The following UGT1A9 variants were observed in gnomAD, a reference collection of about 807,000 sequenced individuals.
The protein encoded by UGT1A9 is UDP-glucuronosyltransferase 1A9.
Under a neutral mutation model 45.0 loss-of-function variants are expected in UGT1A9, and 35 were observed. The ratio of observed to expected loss-of-function variants is 0.78; its 90% CI spans 0.59 to 1.03. The LOEUF is 1.03. UGT1A9 is among the 50% of genes least tolerant of loss of function. The probability of loss-of-function intolerance (pLI) is 0.00; values close to 1 mark genes in which losing one functional copy is unlikely to be tolerated. For missense variants in UGT1A9, 687 were observed against 666.6 expected (o/e 1.03, Z -0.34); for synonymous variants, 278 against 250.6 (o/e 1.11, Z -1.03).
intron 1 of UGT1A9, among the ~76,000 whole-genome samples, chr2:233,698,018 A>G (rs576535829): frequency 6.6e-6 from 1 of 152,290 alleles, no homozygotes; most frequent in South Asian, 2.1e-4. Flanking sequence ...GCACATTGGT[A>G]CCAATTATCT....
At position 233,693,022 on chromosome 2, in the gene UGT1A9, C is replaced by T. The variant is rs773410698; in HGVS notation, c.855+20233C>T. 2.5e-5 allele frequency: 41 copies of T among 1,614,028 alleles called. No individual in the cohort carries two copies. In the Admixed American group the frequency reaches 3.8e-4, roughly 15 times the overall value. On this transcript the variant is annotated intron_variant, in intron 1 of 4. Transcript: ENST00000354728. ...TTTCCAGGATGGCCTGCCTCCTTCG[C>T]TCATTTCAGAGAATTTCTGCAGGGG... is the stretch of plus-strand genomic sequence containing the variant.
chr2:233,706,616 G>C (rs2075915881), intron 1 of UGT1A9, among the ~76,000 whole-genome samples: 1 of 152,154 alleles, frequency 6.6e-6, no homozygotes, highest in Admixed American at 6.6e-5. Flanking sequence ...AAGAAGACTA[G>C]AGAAATGAGT....
At position 233,764,952 on chromosome 2, in the gene UGT1A9, G is replaced by A. The variant is rs141731857; in HGVS notation, c.856-2082G>A. On this transcript the variant is annotated intron_variant, in intron 1 of 4. Transcript: ENST00000354728. Reference sequence around the variant, plus strand: ...GCTGGTGAGAGTGGCGGGGAGAGAGGGCTCACCTTGGGAGAAGGATGGTCA... The same window carrying A: ...GCTGGTGAGAGTGGCGGGGAGAGAGAGCTCACCTTGGGAGAAGGATGGTCA... Among the ~76,000 whole-genome samples the A allele has an allele frequency of 2.5e-3, 384 of 152,210 alleles. 3 individuals are homozygous for A. Among genetic ancestry groups the A allele is most frequent in the South Asian group, 8.5e-3 (41 of 4,812 alleles).
At chr2:233,755,824 A>G (rs764510455) in intron 1 of UGT1A9, 1 of 152,240 alleles carries the variant, frequency 6.6e-6, no homozygotes, top group Admixed American at 6.5e-5. Context: ...TTAAAAAGAC[A>G]TATTCATTGG....
intron 1 of UGT1A9, among the ~76,000 whole-genome samples, chr2:233,717,146 T>C (rs952577384): frequency 6.6e-6 from 1 of 152,072 alleles, no homozygotes; most frequent in Non-Finnish European, 1.5e-5. Context: ...TACATGGAAA[T>C]AGAACATGGG....
intron 1 of UGT1A9, among the ~76,000 whole-genome samples, chr2:233,687,369 G>A (rs1416156591): frequency 6.6e-6 from 1 of 152,032 alleles, no homozygotes; most frequent in African/African-American, 2.4e-5. Context: ...TGTCTCCTTA[G>A]GGAGAATTTG....
intron 1 of UGT1A9, chr2:233,756,338 CTTGA>C (rs895884492): frequency 6.6e-6 from 1 of 152,178 alleles, no homozygotes; most frequent in Non-Finnish European, 1.5e-5. Context: ...CTAGTCATCT[CTTGA>C]TTACTTTTAC....
chr2:233,697,902 T>C (rs1224525194), intron 1 of UGT1A9, among the ~76,000 whole-genome samples: 1 of 152,238 alleles, frequency 6.6e-6, no homozygotes, highest in East Asian at 1.9e-4. Context: ...TCAAATCTAT[T>C]GACTCCTTCT....
chr2:233,745,507 G>A (rs1198591343), intron 1 of UGT1A9, among the ~76,000 whole-genome samples: 1 of 151,594 alleles, frequency 6.6e-6, no homozygotes, highest in African/African-American at 2.4e-5. Flanking sequence ...TTCCTATAGG[G>A]TATTAGGTCT....
chr2:233,704,870 A>G (rs2075810941), intron 1 of UGT1A9, among the ~76,000 whole-genome samples: 1 of 152,098 alleles, frequency 6.6e-6, no homozygotes, highest in Admixed American at 6.5e-5. Flanking sequence ...ACGGTGGCTC[A>G]CTCCTGTAAT....
chr2:233,673,180 A>G (rs555192366), intron 1 of UGT1A9, among the ~76,000 whole-genome samples: 22 of 152,340 alleles, frequency 1.4e-4, no homozygotes, highest in African/African-American at 4.8e-4. Context: ...TATATACAAT[A>G]TCTAATGTAA....
At chr2:233,735,857 T>C (rs1229821549) in intron 1 of UGT1A9, among the ~76,000 whole-genome samples, 2 of 151,884 alleles carry the variant, frequency 1.3e-5, no homozygotes, top group African/African-American at 4.8e-5. Flanking sequence ...TTCTGTCTTG[T>C]AGGGTTTCTG....
At chr2:233,731,419 A>G (rs768089383) in intron 1 of UGT1A9, among the ~76,000 whole-genome samples, 3 of 151,914 alleles carry the variant, frequency 2.0e-5, no homozygotes, top group Non-Finnish European at 4.4e-5. Flanking sequence ...ATTTTTCCTA[A>G]TGCCATCCCT....
At chr2:233,709,200 C>A (rs1423468626) in intron 1 of UGT1A9, among the ~76,000 whole-genome samples, 10 of 152,062 alleles carry the variant, frequency 6.6e-5, no homozygotes. Flanking sequence ...TGGATCCTCA[C>A]CAGAAGTACA....
intron 1 of UGT1A9, among the ~76,000 whole-genome samples, chr2:233,762,822 C>T (rs1698173721): frequency 6.6e-6 from 1 of 150,904 alleles, no homozygotes; most frequent in African/African-American, 2.4e-5. Flanking sequence ...TATTGATTTT[C>T]ATAATAAAAA....
chr2:233,753,244 G>A (rs1445000409), intron 1 of UGT1A9: 1 of 152,136 alleles, frequency 6.6e-6, no homozygotes, highest in Non-Finnish European at 1.5e-5. Flanking sequence ...TATTATTTAA[G>A]AAGCAACTAC....
chr2:233,711,830 G>A (rs2076199320), intron 1 of UGT1A9, among the ~76,000 whole-genome samples: 1 of 152,220 alleles, frequency 6.6e-6, no homozygotes, highest in Non-Finnish European at 1.5e-5. Context: ...CCAGGACAAG[G>A]AGGCGTCAGC....
At chr2:233,732,108 C>T (rs1321461905) in intron 1 of UGT1A9, among the ~76,000 whole-genome samples, 1 of 150,998 alleles carries the variant, frequency 6.6e-6, no homozygotes, top group Non-Finnish European at 1.5e-5. Context: ...TGTTCATATC[C>T]TTTGCCCACT....
chr2:233,764,139 C>T (rs911077141), intron 1 of UGT1A9, among the ~76,000 whole-genome samples: 4 of 152,156 alleles, frequency 2.6e-5, no homozygotes, highest in Admixed American at 1.3e-4. Context: ...TGTTAAATGT[C>T]TCATTTTGGC....
Sources: gnomAD v4.1 joint callset for allele counts (sites outside exome capture counted in the v4.1 genomes callset) on GRCh38, gnomAD v4.1.1 for gene constraint, MANE v1.5 for transcripts, NCBI Gene and HGNC (gene_info 2026-07-23, HGNC 2026-07-21) for gene names.